The following MTG1 variants were observed in gnomAD, a reference collection of about 807,000 sequenced individuals.
MTG1 encodes mitochondrial ribosome associated GTPase 1.
Under a neutral mutation model 39.5 loss-of-function variants are expected in MTG1, and 30 were observed. The observed-to-expected ratio is 0.76, with a 90% CI of 0.57 to 1.03. MTG1 has a LOEUF of 1.03. MTG1 is among the 50% of genes least tolerant of loss of function. MTG1 has a pLI of 0.00. For synonymous variants in MTG1, 217 were observed against 179.0 expected, an observed-to-expected ratio of 1.21 and a Z score of -1.69; for missense variants, 513 against 447.4, an observed-to-expected ratio of 1.15 and a Z score of -1.32.
At chr10:133,405,821 A>G (rs978337543) in intron 9 of MTG1, among the ~76,000 whole-genome samples, 6 of 152,160 alleles carry the variant, frequency 3.9e-5, no homozygotes, top group African/African-American at 1.4e-4. Context: ...TCTTCAGTAT[A>G]TTGATTTCCA....
intron 9 of MTG1, among the ~76,000 whole-genome samples, chr10:133,413,628 C>G (rs1850077116): frequency 6.6e-6 from 1 of 152,072 alleles, no homozygotes; most frequent in South Asian, 2.1e-4. Flanking sequence ...TCTACTGTAT[C>G]TTCTTTGTTA....
chr10:133,402,840 C>A lies in MTG1; in HGVS notation c.752+67C>A, dbSNP rs929241582. 1.1e-4 allele frequency: 121 copies of A among 1,106,382 alleles called. No individual in the cohort carries two copies. Among genetic ancestry groups the A allele is most frequent in the Middle Eastern group, 2.1e-4 (1 of 4,846 alleles). 68.5% of individuals were successfully genotyped at this position (1,106,382 alleles called of 1,614,324 possible). On this transcript the variant is annotated intron_variant, in intron 9 of 10. Transcript: ENST00000317502. The surrounding 1 kb of genome is among the most constrained non-coding windows in gnomAD (Gnocchi z 4.7). ...AGTCACCTCATTTAAAAAAAAAAAA[C>A]AAACAAAAAAACCCCCAGCATTATA...
At position 133,399,731 on chromosome 10, in the gene MTG1, TCTG is replaced by T. The variant is rs1013316771; in HGVS notation, c.511+116_511+118del. The T allele has an allele frequency of 3.7e-6, 4 of 1,087,358 alleles. No homozygotes were observed. In the African/African-American group the frequency reaches 6.2e-5, roughly 17 times the overall value. The allele number at this position is 1,087,358 out of a possible 1,614,324, so 67.4% of individuals were successfully genotyped here. On this transcript the variant is annotated intron_variant, in intron 6 of 10. Transcript: ENST00000317502. ...CGTGCCCGAGGAGCACTGCCAGTCTTCTGCTGACCCCGCAGCCCCAGAGCACAT... is the reference window on the plus strand; with the variant it reads ...CGTGCCCGAGGAGCACTGCCAGTCTTCTGACCCCGCAGCCCCAGAGCACAT...
chr10:133,420,340 A>G lies in MTG1; in HGVS notation c.*175A>G, dbSNP rs1850212046. 1.5e-6 allele frequency: 1 copy of G among 687,028 alleles called. No homozygotes were observed. The highest frequency in any genetic ancestry group is 2.2e-6 in the Non-Finnish European group (1 of 444,610). The allele number at this position is 687,028 out of a possible 1,614,324, so 42.6% of individuals were successfully genotyped here. A position where few individuals can be genotyped will look rare whatever the true frequency, so the allele number is the denominator to read the frequency against. Reference sequence around the variant, plus strand: ...CCAGGGACCCCAGTTGCAGGGCCCAAGCAGGTGGGAGTGGACACCAGGCTT... The same window carrying G: ...CCAGGGACCCCAGTTGCAGGGCCCAGGCAGGTGGGAGTGGACACCAGGCTT... On this transcript the variant is annotated 3_prime_UTR_variant, in exon 11 of 11. Transcript: ENST00000317502.
chr10:133,402,201 C>T lies in MTG1; in HGVS notation c.626C>T (p.Pro209Leu), dbSNP rs1408279581. The change falls in exon 8 of 11, where the codon CCT becomes CTT. Residue 209 changes from proline (P) to leucine (L), a missense_variant. Pro to Leu is a moderately conservative substitution (Grantham distance 98, BLOSUM62 -3). Coordinates refer to ENST00000317502, the MANE Select transcript of MTG1 (RefSeq NM_138384.4). This position sits in a 1 kb window ranked among gnomAD's most constrained non-coding sequence, Gnocchi z 4.7. The stretch of plus-strand genomic sequence containing the variant: ...TTGGACACTCCTGGCGTGCTGGCTC[C>T]TCGGATTGAAAGTGTGGAGACAGGC... ...FLLDTPGVLA[P>L]RIESVETGLK... 1 of 1,614,016 alleles carries T rather than the reference C, an allele frequency of 6.2e-7. No homozygotes were observed. Among genetic ancestry groups the T allele is most frequent in the East Asian group, 2.2e-5 (1 of 44,858 alleles).
rs756923251 is a variant in MTG1, at chr10:133,402,108, G to A, written c.574-41G>A. The stretch of plus-strand genomic sequence containing the variant: ...CCTGAGTGGCCCACCTGGGTGGGAG[G>A]CTGCCACCGCGGCCTGATCATGCCC... On this transcript the variant is annotated intron_variant, in intron 7 of 10. Coordinates refer to ENST00000317502, the MANE Select transcript of MTG1 (RefSeq NM_138384.4). This position sits in a 1 kb window ranked among gnomAD's most constrained non-coding sequence, Gnocchi z 4.7. 31 of 1,612,052 alleles carry A rather than the reference G, an allele frequency of 1.9e-5. 1 individual carries two copies. The Admixed American group carries it at 5.2e-4, about 27-fold the overall frequency.
chr10:133,409,222 T>A (rs1158370088), intron 9 of MTG1, among the ~76,000 whole-genome samples: 4 of 152,200 alleles, frequency 2.6e-5, no homozygotes, highest in Admixed American at 2.6e-4. Context: ...TCCCATAGAC[T>A]TTGATATATG....
chr10:133,418,080 T>G (rs1052549382), intron 9 of MTG1, among the ~76,000 whole-genome samples: 3 of 152,216 alleles, frequency 2.0e-5, no homozygotes, highest in Non-Finnish European at 4.4e-5. Flanking sequence ...CTCAGCCCAC[T>G]GCAGCCTCCA....
intron 9 of MTG1, among the ~76,000 whole-genome samples, chr10:133,410,783 C>A (rs993123739): frequency 2.0e-5 from 3 of 152,144 alleles, no homozygotes; most frequent in African/African-American, 7.2e-5. Context: ...AAAAAACAAT[C>A]ATTTTAAACA....
Position 133,402,821 on chromosome 10 carries a change from C to A in MTG1, c.752+48C>A. 1.5e-6 allele frequency: 2 copies of A among 1,339,440 alleles called. No individual in the cohort carries two copies. Among genetic ancestry groups the A allele is most frequent in the Non-Finnish European group, 2.0e-6 (2 of 980,608 alleles). The allele number at this position is 1,339,440 out of a possible 1,614,324, so 83.0% of individuals were successfully genotyped here. A position where few individuals can be genotyped will look rare whatever the true frequency, so the allele number is the denominator to read the frequency against. ...AGCTGGGGCCCCTCCTCCTAGTCAC[C>A]TCATTTAAAAAAAAAAAACAAACAA... On this transcript the variant is annotated intron_variant, in intron 9 of 10. Transcript: ENST00000317502. The surrounding 1 kb of genome is among the most constrained non-coding windows in gnomAD (Gnocchi z 4.7).
chr10:133,420,109 G>T lies in MTG1; in HGVS notation c.949G>T (p.Val317Leu). 1 of 1,613,516 alleles carries T rather than the reference G, an allele frequency of 6.2e-7. No individual in the cohort carries two copies. Among genetic ancestry groups the T allele is most frequent in the South Asian group, 1.1e-5 (1 of 91,054 alleles). ...QTFRRGLLGS[V>L]MLDLDVLRGH... The stretch of plus-strand genomic sequence containing the variant: ...TTTCCGCCGTGGGCTGCTGGGTTCC[G>T]TGATGCTGGACCTCGACGTCCTGCG... Residue 317 changes from valine to leucine, a missense_variant, in exon 11 of 11, where the codon GTG becomes TTG. By Grantham distance (32) the Val-to-Leu change is conservative (BLOSUM62 1). Coordinates refer to ENST00000317502, the MANE Select transcript of MTG1 (RefSeq NM_138384.4).
intron 5 of MTG1, 91 bp downstream of exon 5, chr10:133,399,317 C>T (rs548235813): frequency 4.1e-6 from 6 of 1,473,692 alleles, no homozygotes; most frequent in East Asian, 2.3e-5. Context: ...GAAGGCGCAG[C>T]GCCCCAGGCA....
At chr10:133,409,275 T>G (rs1850011101) in intron 9 of MTG1, among the ~76,000 whole-genome samples, 1 of 152,242 alleles carries the variant, frequency 6.6e-6, no homozygotes, top group Non-Finnish European at 1.5e-5. Flanking sequence ...AAAATTTTTC[T>G]TATTAATTTC....
intron 3 of MTG1, among the ~76,000 whole-genome samples, chr10:133,396,917 G>A (rs1045249108): frequency 2.6e-5 from 4 of 152,214 alleles, no homozygotes; most frequent in African/African-American, 9.6e-5. Flanking sequence ...CTGTGGTCTA[G>A]CGGTAGCGTC....
chr10:133,398,560 G>C (rs985452962), intron 4 of MTG1, 45 bp downstream of exon 4: 3 of 1,566,756 alleles, frequency 1.9e-6, no homozygotes, highest in Non-Finnish European at 2.6e-6. Context: ...TGCTTCAGTA[G>C]GTTCGAGGAG....
chr10:133,408,918 TTTATTTTGATCTTTTTAAAATTC>T (rs1445282881), intron 9 of MTG1, among the ~76,000 whole-genome samples: 11 of 152,192 alleles, frequency 7.2e-5, no homozygotes, highest in African/African-American at 2.4e-4. Context: ...ACTGATTTTA[TTTATTTTGATCTTTTTAAAATTC>T]TAGCTAAATG....
At chr10:133,398,596 T>A in intron 4 of MTG1, 81 bp downstream of exon 4, 1 of 1,455,996 alleles carries the variant, frequency 6.9e-7, no homozygotes, top group Non-Finnish European at 9.3e-7. Context: ...TATGCTTTAG[T>A]AAGAAGCAGA....
At chr10:133,409,167 G>T (rs1208151116) in intron 9 of MTG1, among the ~76,000 whole-genome samples, 3 of 151,590 alleles carry the variant, frequency 2.0e-5, no homozygotes, top group Non-Finnish European at 4.4e-5. Flanking sequence ...TTTAGCGTAG[G>T]TGTTTGTTGC....
intron 6 of MTG1, among the ~76,000 whole-genome samples, chr10:133,401,018 G>A (rs1311490267): frequency 6.6e-6 from 1 of 152,220 alleles, no homozygotes; most frequent in Non-Finnish European, 1.5e-5. Context: ...TTATTCTTGG[G>A]TTGTTTGTCC....
Sources: allele counts gnomAD v4.1 joint callset (sites outside exome capture counted in the v4.1 genomes callset), GRCh38; gene constraint gnomAD v4.1.1; non-coding constraint Gnocchi (gnomAD v3.1); transcripts MANE v1.5; gene names NCBI Gene and HGNC (gene_info 2026-07-23, HGNC 2026-07-21).